The following LRP1B variants were observed in gnomAD, a reference collection of about 807,000 sequenced individuals.
LRP1B encodes the protein LDL receptor related protein 1B.
In LRP1B, 217 loss-of-function variants were observed where a neutral mutation model predicts 556.6. The observed-to-expected ratio is 0.39, with a 90% CI of 0.35 to 0.44. The LOEUF is 0.44. Ranked by LOEUF, LRP1B falls within the 20% of genes least tolerant of loss-of-function variation. LRP1B has a pLI of 1.00. For synonymous variants in LRP1B, 2,047 were observed against 1,865.8 expected (o/e 1.10, Z -2.50); for missense variants, 5,053 against 5,620.8 (o/e 0.90, Z 3.23).
At chr2:141,286,858 A>C in intron 3 of LRP1B, 1 of 331,448 alleles carries the variant, frequency 3.0e-6, no homozygotes, top group South Asian at 2.2e-5. Context: ...TTTCTGTAAT[A>C]ATGGAAATAT....
At chr2:141,062,311 G>T in intron 7 of LRP1B, 38 bp from the exon 8 acceptor site, 1 of 1,442,848 alleles carries the variant, frequency 6.9e-7, no homozygotes, top group Non-Finnish European at 9.5e-7. Flanking sequence ...TGGAGGGTGG[G>T]GGAGGGAAGC....
chr2:140,912,139 G>T (rs1426089951), intron 21 of LRP1B, among the ~76,000 whole-genome samples: 1 of 151,606 alleles, frequency 6.6e-6, no homozygotes, highest in Admixed American at 6.6e-5. Flanking sequence ...TTTGGTTTTA[G>T]TTCTTACCAA....
chr2:141,979,758 T>C (rs1417143420), intron 1 of LRP1B, among the ~76,000 whole-genome samples: 1 of 152,094 alleles, frequency 6.6e-6, no homozygotes, highest in Non-Finnish European at 1.5e-5. Flanking sequence ...GTATAGTTAT[T>C]AGGATAATGC....
rs55884730 is a variant in LRP1B at position 140,672,482 on chromosome 2, T to TAAAAAAAAAAAAAAAAAAAAAAAA, written c.6799+27744_6799+27767dup. ...CTGGGTGACAGAATGAGACTCCATC[T>TAAAAAAAAAAAAAAAAAAAAAAAA]AAAAAAAAAAAAAAAAAAAAAAAAA... On this transcript the variant is annotated intron_variant, in intron 41 of 90. Coordinates refer to ENST00000389484, the MANE Select transcript of LRP1B (RefSeq NM_018557.3). 2.0e-4 allele frequency among the ~76,000 whole-genome samples: 16 copies of TAAAAAAAAAAAAAAAAAAAAAAAA among 81,572 alleles called. 1 individual carries two copies. Among genetic ancestry groups the TAAAAAAAAAAAAAAAAAAAAAAAA allele is most frequent in the African/African-American group, 4.4e-4 (8 of 18,264 alleles). The allele number at this position is 81,572 out of a possible 152,430, so 53.5% of individuals were successfully genotyped here.
At chr2:140,378,559 T>C (rs907758292) in intron 67 of LRP1B, among the ~76,000 whole-genome samples, 4 of 152,136 alleles carry the variant, frequency 2.6e-5, no homozygotes, top group African/African-American at 9.7e-5. Flanking sequence ...TTAATAAAAA[T>C]AAGCCTGAAA....
rs528211185 is a variant in LRP1B at position 141,263,650 on chromosome 2, A to G, written c.344-9009T>C. On this transcript the variant is annotated intron_variant, in intron 3 of 90. Transcript: ENST00000389484. Reference sequence around the variant, plus strand: ...GAAAGAAAGAAAACATTTTCCAACTAATTTATGAGGCTGGAATTACCCCAA... The same window carrying G: ...GAAAGAAAGAAAACATTTTCCAACTGATTTATGAGGCTGGAATTACCCCAA... 1.8e-4 allele frequency among the ~76,000 whole-genome samples: 27 copies of G among 152,254 alleles called. No individual in the cohort carries two copies. The South Asian group carries it at 3.7e-3, about 21-fold the overall frequency.
intron 35 of LRP1B, among the ~76,000 whole-genome samples, chr2:140,720,321 G>T (rs1362161049): frequency 6.6e-6 from 1 of 151,890 alleles, no homozygotes; most frequent in Non-Finnish European, 1.5e-5. Context: ...TATAATTACA[G>T]GATTGTAAAA....
chr2:140,486,001 G>A (rs192784503), intron 58 of LRP1B, among the ~76,000 whole-genome samples: 2 of 151,842 alleles, frequency 1.3e-5, no homozygotes, highest in African/African-American at 2.4e-5. Context: ...AAACACCAAC[G>A]AGAATAGGCA....
At chr2:141,624,457 G>A (rs796868241) in intron 2 of LRP1B, among the ~76,000 whole-genome samples, 2 of 152,078 alleles carry the variant, frequency 1.3e-5, no homozygotes, top group Non-Finnish European at 2.9e-5. Context: ...TCTTTGTTTG[G>A]AATAGCTAAT....
chr2:141,755,344 A>G (rs1046676840), intron 2 of LRP1B, among the ~76,000 whole-genome samples: 2 of 152,090 alleles, frequency 1.3e-5, no homozygotes, highest in African/African-American at 4.8e-5. Flanking sequence ...ACATACCCCA[A>G]TTGAAAATCA....
chr2:141,732,462 C>T (rs1693310371), intron 2 of LRP1B, among the ~76,000 whole-genome samples: 1 of 152,032 alleles, frequency 6.6e-6, no homozygotes, highest in Admixed American at 6.6e-5. Flanking sequence ...TCATCTGATT[C>T]ATCAAAAGTC....
chr2:140,939,426 A>G (rs1573902057), intron 20 of LRP1B, among the ~76,000 whole-genome samples: 1 of 150,574 alleles, frequency 6.6e-6, no homozygotes, highest in African/African-American at 2.4e-5. Context: ...CATATTACAC[A>G]ATTAGTTGCC....
At chr2:141,353,657 T>C (rs556442775) in intron 3 of LRP1B, among the ~76,000 whole-genome samples, 3 of 152,026 alleles carry the variant, frequency 2.0e-5, no homozygotes, top group African/African-American at 7.2e-5. Flanking sequence ...CATAAAACAG[T>C]ATAGAAGAAA....
At chr2:141,927,517 C>T (rs984811793) in intron 1 of LRP1B, among the ~76,000 whole-genome samples, 10 of 152,070 alleles carry the variant, frequency 6.6e-5, no homozygotes, top group Non-Finnish European at 1.2e-4. Context: ...GATTTTGCTA[C>T]TCATGAGTGG....
intron 1 of LRP1B, among the ~76,000 whole-genome samples, chr2:141,864,687 C>G (rs1474879999): frequency 6.6e-6 from 1 of 152,102 alleles, no homozygotes; most frequent in African/African-American, 2.4e-5. Flanking sequence ...CAAGACCATC[C>G]TGGCCAACAT....
intron 3 of LRP1B, among the ~76,000 whole-genome samples, chr2:141,302,016 A>G (rs1686413549): frequency 6.6e-6 from 1 of 152,164 alleles, no homozygotes; most frequent in Non-Finnish European, 1.5e-5. Flanking sequence ...AAACAAAACA[A>G]AAAATTATAT....
chr2:140,490,965 C>G (rs1417283931), intron 57 of LRP1B, among the ~76,000 whole-genome samples: 1 of 151,914 alleles, frequency 6.6e-6, no homozygotes, highest in Non-Finnish European at 1.5e-5. Flanking sequence ...TGGCAACAGT[C>G]TAAAATGATA....
chr2:141,258,200 C>T (rs981404927), intron 3 of LRP1B, among the ~76,000 whole-genome samples: 2 of 152,152 alleles, frequency 1.3e-5, no homozygotes, highest in Admixed American at 6.5e-5. Flanking sequence ...AAGAGAGAAG[C>T]TGTCGCTGGA....
chr2:141,987,292 T>C (rs547542797), intron 1 of LRP1B, among the ~76,000 whole-genome samples: 17 of 152,038 alleles, frequency 1.1e-4, no homozygotes, highest in African/African-American at 4.1e-4. Flanking sequence ...TATTCAGGAG[T>C]TTAAAAAAAT....
Sources: allele counts gnomAD v4.1 joint callset (sites outside exome capture counted in the v4.1 genomes callset), GRCh38; gene constraint gnomAD v4.1.1; transcripts MANE v1.5; gene names NCBI Gene and HGNC (gene_info 2026-07-23, HGNC 2026-07-21).